PRDM5: variants seen among roughly 807,000 people sequenced by gnomAD.
PRDM5 encodes PR/SET domain 5.
Under a neutral mutation model 81.2 loss-of-function variants are expected in PRDM5, and 56 were observed. The observed-to-expected ratio is 0.69, with a 90% CI of 0.56 to 0.86. PRDM5 has a LOEUF of 0.86. PRDM5 is among the 40% of genes least tolerant of loss of function. PRDM5 has a pLI of 0.00. For missense variants in PRDM5, 697 were observed against 770.1 expected (o/e 0.91, Z 1.12); for synonymous variants, 267 against 256.4 (o/e 1.04, Z -0.39).
chr4:120,753,043 C>T (rs1405325058), intron 14 of PRDM5, among the ~76,000 whole-genome samples: 2 of 152,160 alleles, frequency 1.3e-5, no homozygotes, highest in Non-Finnish European at 2.9e-5. Flanking sequence ...GTGATTTAAA[C>T]AGCTTCTTCT....
chr4:120,807,759 A>G (rs143020389), intron 8 of PRDM5, among the ~76,000 whole-genome samples: 3,512 of 147,504 alleles, frequency 0.024, 130 homozygotes, highest in African/African-American at 0.082. Flanking sequence ...TGGTGGGTTC[A>G]TGGTCTCGCT....
At chr4:120,896,842 C>T (rs1204151828) in intron 2 of PRDM5, 1 of 152,200 alleles carries the variant, frequency 6.6e-6, no homozygotes, top group East Asian at 1.9e-4. Context: ...CGCCACCACG[C>T]CCGGCTAATT....
At chr4:120,764,152 T>G (rs1746040556) in intron 13 of PRDM5, among the ~76,000 whole-genome samples, 1 of 152,162 alleles carries the variant, frequency 6.6e-6, no homozygotes, top group South Asian at 2.1e-4. Flanking sequence ...AATTTACCAA[T>G]AGATAAAGCT....
chr4:120,823,215 C>T (rs78478611), intron 3 of PRDM5, among the ~76,000 whole-genome samples: 6,539 of 152,202 alleles, frequency 0.043, 187 homozygotes, highest in African/African-American at 0.084. Context: ...GTTTTGATAG[C>T]ACCAAGGAAA....
At chr4:120,813,993 A>G (rs1215163740) in intron 7 of PRDM5, among the ~76,000 whole-genome samples, 3 of 152,074 alleles carry the variant, frequency 2.0e-5, no homozygotes, top group East Asian at 1.9e-4. Context: ...CTCATCCCCA[A>G]TCTTCAGTCT....
intron 15 of PRDM5, among the ~76,000 whole-genome samples, chr4:120,699,204 A>ATT (rs1239952817): frequency 5.5e-4 from 42 of 76,928 alleles, no homozygotes; most frequent in Non-Finnish European, 9.0e-4. Context: ...ATATATATAT[A>ATT]TTTCAGATGT....
At chr4:120,846,340 G>A (rs1758649685) in intron 3 of PRDM5, among the ~76,000 whole-genome samples, 1 of 152,122 alleles carries the variant, frequency 6.6e-6, no homozygotes, top group African/African-American at 2.4e-5. Context: ...CTTCATTGTT[G>A]TCTTATTTAA....
intron 3 of PRDM5, among the ~76,000 whole-genome samples, chr4:120,832,069 G>A (rs1338393608): frequency 2.0e-5 from 3 of 152,116 alleles, no homozygotes; most frequent in Non-Finnish European, 2.9e-5. Context: ...TGGGTTGGAA[G>A]CTCCATGGGG....
chr4:120,859,967 C>T (rs142552342), intron 2 of PRDM5, among the ~76,000 whole-genome samples: 10 of 152,176 alleles, frequency 6.6e-5, no homozygotes, highest in African/African-American at 2.2e-4. Context: ...CTGGAAAGGA[C>T]GATTATGACC....
At chr4:120,883,076 T>A (rs1394325765) in intron 2 of PRDM5, among the ~76,000 whole-genome samples, 1 of 152,206 alleles carries the variant, frequency 6.6e-6, no homozygotes, top group Non-Finnish European at 1.5e-5. Flanking sequence ...CAGTGGCCAT[T>A]TGTATGCTTA....
At chr4:120,858,591 G>GCACGCA (rs1553995654) in intron 2 of PRDM5, among the ~76,000 whole-genome samples, 1 of 150,434 alleles carries the variant, frequency 6.6e-6, no homozygotes, top group African/African-American at 2.4e-5. Flanking sequence ...GCGCACGCAC[G>GCACGCA]CACACACACA....
At chr4:120,825,258 T>C (rs1232205103) in intron 3 of PRDM5, among the ~76,000 whole-genome samples, 1 of 152,166 alleles carries the variant, frequency 6.6e-6, no homozygotes, top group Admixed American at 6.6e-5. Context: ...CCAGATGCCC[T>C]ACATGTGGAA....
chr4:120,729,983 A>G (rs770760595), intron 14 of PRDM5, among the ~76,000 whole-genome samples: 2 of 152,218 alleles, frequency 1.3e-5, no homozygotes, highest in Admixed American at 6.5e-5. Flanking sequence ...ATTGAACTCA[A>G]TGGGAAATTG....
intron 14 of PRDM5, among the ~76,000 whole-genome samples, chr4:120,728,902 A>G (rs1739842489): frequency 6.6e-6 from 1 of 152,272 alleles, no homozygotes; most frequent in African/African-American, 2.4e-5. Context: ...TTTACAATTG[A>G]AAGCAGAACT....
chr4:120,904,342 G>C (rs1486355538), intron 2 of PRDM5, among the ~76,000 whole-genome samples: 1 of 151,924 alleles, frequency 6.6e-6, no homozygotes, highest in Non-Finnish European at 1.5e-5. Context: ...AAGGGGAGGG[G>C]GAAGGTATAT....
rs977879369 is a variant in PRDM5, at chr4:120,838,913, G to T, written c.300+14505C>A. On this transcript the variant is annotated intron_variant, in intron 3 of 15. Transcript: ENST00000264808. ...CAAGGGGTGTGAGAGTGAGTGTGGGGTCTGGCCAATGCACAGTCAGATATG... is the reference window on the plus strand; with the variant it reads ...CAAGGGGTGTGAGAGTGAGTGTGGGTTCTGGCCAATGCACAGTCAGATATG... The T allele has an allele frequency of 7.6e-5, 30 of 393,776 alleles. No individual in the cohort carries two copies. In the East Asian group the frequency reaches 1.3e-3, roughly 16 times the overall value. 24.4% of individuals were successfully genotyped at this position (393,776 alleles called of 1,614,324 possible).
chr4:120,839,147 T>A (rs1379683996), intron 3 of PRDM5: 1 of 680,406 alleles, frequency 1.5e-6, no homozygotes, highest in African/African-American at 1.8e-5. Flanking sequence ...AGGTCTGGGA[T>A]CCCTGAAAGG....
At chr4:120,707,774 G>A (rs905595702) in intron 15 of PRDM5, among the ~76,000 whole-genome samples, 1 of 152,044 alleles carries the variant, frequency 6.6e-6, no homozygotes, top group Admixed American at 6.6e-5. Context: ...ATATTTGCAT[G>A]TCATATATCT....
intron 1 of PRDM5, among the ~76,000 whole-genome samples, chr4:120,910,070 TAA>T (rs34590841): frequency 0.014 from 2,064 of 149,114 alleles, 45 homozygotes; most frequent in African/African-American, 0.046. Flanking sequence ...TCATATGCTT[TAA>T]AAAAAAAAAA....
Sources: gnomAD v4.1 joint callset for allele counts (sites outside exome capture counted in the v4.1 genomes callset) on GRCh38, gnomAD v4.1.1 for gene constraint, MANE v1.5 for transcripts, NCBI Gene and HGNC (gene_info 2026-07-23, HGNC 2026-07-21) for gene names.